Variants in RANBP2 observed in about 807,000 individuals in gnomAD.
RANBP2 encodes RAN binding protein 2.
In RANBP2, 57 loss-of-function variants were observed where a neutral mutation model predicts 303.6. The observed-to-expected ratio is 0.19, with a 90% CI of 0.15 to 0.23. The LOEUF is 0.23. Among genes scored for constraint, RANBP2 ranks in the 10% least tolerant of loss-of-function variants. RANBP2 has a pLI of 1.00. For missense variants in RANBP2, 3,138 were observed against 3,780.8 expected, an observed-to-expected ratio of 0.83 and a Z score of 4.46; for synonymous variants, 1,167 against 1,301.5, an observed-to-expected ratio of 0.90 and a Z score of 2.23.
chr2:109,485,727 G>A, the RANBP2 span, among the ~76,000 whole-genome samples: 2 of 152,268 alleles, frequency 1.3e-5, no homozygotes. Flanking sequence ...GACTGTGAGT[G>A]TGTAAGCACA....
the RANBP2 span, among the ~76,000 whole-genome samples, chr2:109,030,259 T>C: frequency 6.6e-6 from 1 of 152,178 alleles, no homozygotes; most frequent in Non-Finnish European, 1.5e-5. Flanking sequence ...GGCCATGCGC[T>C]CAAGTGCTTT....
chr2:109,008,905 AAAAAAG>A, the RANBP2 span, among the ~76,000 whole-genome samples: 12 of 151,530 alleles, frequency 7.9e-5, no homozygotes, highest in Non-Finnish European at 1.2e-4. Flanking sequence ...TCTCAAAAAA[AAAAAAG>A]AAAAGAAAAG....
the RANBP2 span, among the ~76,000 whole-genome samples, chr2:109,097,632 C>CT: frequency 6.1e-5 from 9 of 147,690 alleles, no homozygotes; most frequent in East Asian, 6.0e-4. Context: ...CCATTATAGT[C>CT]TTTTTTTTTT....
At chr2:109,189,814 T>G in the RANBP2 span, among the ~76,000 whole-genome samples, 1 of 152,202 alleles carries the variant, frequency 6.6e-6, no homozygotes, top group Non-Finnish European at 1.5e-5. Context: ...TTCTCAACAC[T>G]GGTCAGAGTT....
chr2:109,263,049 T>C, the RANBP2 span, among the ~76,000 whole-genome samples: 1 of 152,132 alleles, frequency 6.6e-6, no homozygotes, highest in East Asian at 1.9e-4. Context: ...TTTCACCATA[T>C]TGGCCAGGCT....
chr2:109,568,400 G>T, the RANBP2 span, among the ~76,000 whole-genome samples: 2 of 141,114 alleles, frequency 1.4e-5, no homozygotes, highest in Admixed American at 1.5e-4. Flanking sequence ...TTGAGATGGA[G>T]TCTCGCTGTA....
the RANBP2 span, among the ~76,000 whole-genome samples, chr2:109,406,882 G>A: frequency 2.0e-5 from 3 of 152,180 alleles, no homozygotes; most frequent in Non-Finnish European, 4.4e-5. Flanking sequence ...CTGTTGAGGG[G>A]TGGGCACATG....
chr2:108,809,495 A>G, the RANBP2 span, among the ~76,000 whole-genome samples: 1 of 146,022 alleles, frequency 6.8e-6, no homozygotes, highest in Admixed American at 6.9e-5. Context: ...TGTGATCTTC[A>G]GTTTCATTCA....
chr2:108,899,896 G>A, the RANBP2 span, among the ~76,000 whole-genome samples: 3 of 152,146 alleles, frequency 2.0e-5, no homozygotes, highest in Non-Finnish European at 4.4e-5. Context: ...TGAGGCAGGA[G>A]AATCGCTTGA....
the RANBP2 span, chr2:109,129,405 A>G: frequency 7.1e-7 from 1 of 1,418,396 alleles, no homozygotes; most frequent in South Asian, 1.3e-5. Flanking sequence ...CAGCCCTAGC[A>G]TCGGGCCACC....
chr2:109,735,860 A>G, the RANBP2 span, among the ~76,000 whole-genome samples: 3 of 152,322 alleles, frequency 2.0e-5, no homozygotes, highest in East Asian at 5.8e-4. Flanking sequence ...AGAAATATGC[A>G]AGCAATTCCG....
At chr2:109,029,164 GT>G in the RANBP2 span, among the ~76,000 whole-genome samples, 2 of 151,830 alleles carry the variant, frequency 1.3e-5, 1 homozygote, top group African/African-American at 4.9e-5. Context: ...AATAAATAAG[GT>G]TTAAGGCAAG....
chr2:109,692,566 G>T, the RANBP2 span, among the ~76,000 whole-genome samples: 1 of 152,178 alleles, frequency 6.6e-6, no homozygotes, highest in African/African-American at 2.4e-5. Context: ...GTTTTTGTTT[G>T]GTTTTGGCTC....
the RANBP2 span, among the ~76,000 whole-genome samples, chr2:108,853,676 A>G: frequency 1.3e-5 from 2 of 149,734 alleles, no homozygotes; most frequent in Admixed American, 6.8e-5. Flanking sequence ...ACAGGCATGC[A>G]CTACGATGAC....
chr2:108,837,418 C>T, the RANBP2 span, among the ~76,000 whole-genome samples: 1 of 152,112 alleles, frequency 6.6e-6, no homozygotes, highest in East Asian at 1.9e-4. Flanking sequence ...TTTTAATATA[C>T]CGCCATGCAC....
At chr2:109,437,070 C>A in the RANBP2 span, 1 of 1,613,716 alleles carries the variant, frequency 6.2e-7, no homozygotes, top group Non-Finnish European at 8.5e-7. Flanking sequence ...ACCCCACAGC[C>A]TCGCCCCCAA....
the RANBP2 span, among the ~76,000 whole-genome samples, chr2:109,036,873 G>A: frequency 6.6e-6 from 1 of 152,194 alleles, no homozygotes; most frequent in African/African-American, 2.4e-5. Flanking sequence ...GCTGGGCAAG[G>A]TGGCTCACAC....
the RANBP2 span, among the ~76,000 whole-genome samples, chr2:109,086,256 C>T: frequency 4.7e-4 from 71 of 152,158 alleles, no homozygotes; most frequent in Middle Eastern, 3.4e-3. Flanking sequence ...TACCTGTTAG[C>T]GTCTGAGGTT....
chr2:108,811,247 C>CTCT, the RANBP2 span, among the ~76,000 whole-genome samples: 8 of 113,908 alleles, frequency 7.0e-5, no homozygotes, highest in East Asian at 9.4e-4. Flanking sequence ...TTCTCTCTCT[C>CTCT]TTTTTTTTTT....
Sources: gnomAD v4.1 joint callset for allele counts (sites outside exome capture counted in the v4.1 genomes callset) on GRCh38, gnomAD v4.1.1 for gene constraint, MANE v1.5 for transcripts, NCBI Gene and HGNC (gene_info 2026-07-23, HGNC 2026-07-21) for gene names.